RARB: variants seen among roughly 807,000 people sequenced by gnomAD.
RARB encodes retinoic acid receptor beta.
Under a neutral mutation model 51.9 loss-of-function variants are expected in RARB, and 17 were observed. The ratio of observed to expected loss-of-function variants is 0.33; its 90% confidence interval spans 0.22 to 0.49. The LOEUF is 0.49. Ranked by LOEUF, RARB falls within the 20% of genes least tolerant of loss-of-function variation. The pLI, the probability that RARB is intolerant of heterozygous loss-of-function variation, is 0.99. For missense variants in RARB, 369 were observed against 550.8 expected (o/e 0.67, Z 3.30); for synonymous variants, 215 against 195.4 (o/e 1.10, Z -0.84).
intron 5 of RARB, among the ~76,000 whole-genome samples, chr3:25,372,595 G>A (rs1327101882): frequency 2.0e-5 from 3 of 152,210 alleles, no homozygotes; most frequent in African/African-American, 7.2e-5. Flanking sequence ...GCTGAAGCAG[G>A]AGGATAGCTT....
chr3:24,832,375 T>A (rs2125326326), intron 1 of RARB, among the ~76,000 whole-genome samples: 1 of 152,078 alleles, frequency 6.6e-6, no homozygotes, highest in Non-Finnish European at 1.5e-5. Flanking sequence ...AATAAGGACT[T>A]TGTATATATT....
At chr3:25,000,145 C>T (rs781334376) in intron 2 of RARB, among the ~76,000 whole-genome samples, 2 of 152,040 alleles carry the variant, frequency 1.3e-5, no homozygotes, top group African/African-American at 2.4e-5. Context: ...ACCAGTCAAA[C>T]GACAGGTGTC....
intron 2 of RARB, among the ~76,000 whole-genome samples, chr3:25,484,906 A>G (rs1696386836): frequency 6.6e-6 from 1 of 152,170 alleles, no homozygotes; most frequent in Non-Finnish European, 1.5e-5. Context: ...GGTTTAAAAC[A>G]TGACTTTTCA....
intron 5 of RARB, among the ~76,000 whole-genome samples, chr3:25,264,086 A>G (rs955641367): frequency 7.5e-5 from 11 of 146,984 alleles, no homozygotes; most frequent in South Asian, 2.2e-4. Flanking sequence ...CTAATAATAT[A>G]TATTTCCCAC....
At chr3:24,958,531 C>T (rs1696072722) in intron 2 of RARB, among the ~76,000 whole-genome samples, 1 of 152,160 alleles carries the variant, frequency 6.6e-6, no homozygotes, top group East Asian at 1.9e-4. Flanking sequence ...TTTAGGTTTC[C>T]CTTTTTCCTT....
At chr3:25,286,274 G>C (rs1283760042) in intron 5 of RARB, among the ~76,000 whole-genome samples, 1 of 151,928 alleles carries the variant, frequency 6.6e-6, no homozygotes, top group African/African-American at 2.4e-5. Flanking sequence ...ATTTTGAGCA[G>C]AGACGGGGTT....
chr3:25,200,940 C>T (rs909693811), intron 5 of RARB, among the ~76,000 whole-genome samples: 7 of 152,040 alleles, frequency 4.6e-5, no homozygotes, highest in Admixed American at 2.6e-4. Flanking sequence ...TTTTTGGTTC[C>T]ATATGAAGTG....
At chr3:25,211,648 T>G (rs1701699900) in intron 5 of RARB, among the ~76,000 whole-genome samples, 1 of 152,226 alleles carries the variant, frequency 6.6e-6, no homozygotes. Flanking sequence ...TATCAGAGAT[T>G]GACAAACTTT....
chr3:25,514,348 A>G (rs1698051884), intron 3 of RARB, among the ~76,000 whole-genome samples: 1 of 152,202 alleles, frequency 6.6e-6, no homozygotes, highest in African/African-American at 2.4e-5. Flanking sequence ...GAGTTGAGCA[A>G]TTATCTGATG....
intron 5 of RARB, among the ~76,000 whole-genome samples, chr3:25,281,909 T>G (rs1400651123): frequency 1.3e-5 from 2 of 152,224 alleles, no homozygotes; most frequent in Non-Finnish European, 2.9e-5. Context: ...GCTGTGCTCA[T>G]GTTGTGTTAC....
intron 2 of RARB, among the ~76,000 whole-genome samples, chr3:24,939,325 C>T (rs1459443080): frequency 6.6e-6 from 1 of 152,152 alleles, no homozygotes; most frequent in Admixed American, 6.5e-5. Flanking sequence ...TTCTTTCTAG[C>T]ATATCTGTAG....
chr3:25,402,662 T>C (rs1181268214), intron 5 of RARB, among the ~76,000 whole-genome samples: 3 of 152,072 alleles, frequency 2.0e-5, no homozygotes, highest in Non-Finnish European at 2.9e-5. Context: ...ACAACTTGGG[T>C]GGAACTGAAG....
intron 5 of RARB, among the ~76,000 whole-genome samples, chr3:25,249,883 G>T (rs938545889): frequency 6.6e-6 from 1 of 152,192 alleles, no homozygotes; most frequent in African/African-American, 2.4e-5. Flanking sequence ...GGGGCCCCAG[G>T]GCGGCATATG....
chr3:25,033,646 C>A (rs4858691), intron 2 of RARB, among the ~76,000 whole-genome samples: 95,221 of 151,904 alleles, frequency 0.63, 30,522 homozygotes, highest in East Asian at 0.93. Context: ...TCAAGCCAGA[C>A]CCACATCCAA....
At chr3:25,415,654 C>T (rs748976962) in intron 5 of RARB, among the ~76,000 whole-genome samples, 8 of 152,214 alleles carry the variant, frequency 5.3e-5, no homozygotes, top group Non-Finnish European at 1.0e-4. Context: ...ATGATGTCTT[C>T]TAATAATTAG....
At chr3:25,406,939 CTAAGTTATCT>C (rs1157933403) in intron 5 of RARB, among the ~76,000 whole-genome samples, 2 of 152,182 alleles carry the variant, frequency 1.3e-5, no homozygotes, top group African/African-American at 4.8e-5. Flanking sequence ...TTTGATGCCT[CTAAGTTATCT>C]TTGCTTCCTT....
At chr3:24,988,246 T>C (rs1028171785) in intron 2 of RARB, among the ~76,000 whole-genome samples, 4 of 152,222 alleles carry the variant, frequency 2.6e-5, no homozygotes, top group African/African-American at 9.6e-5. Context: ...TTTGGGATAA[T>C]TGAACTTAAA....
At chr3:24,980,565 A>AAGCTTGTGT (rs1440013748) in intron 2 of RARB, among the ~76,000 whole-genome samples, 7 of 151,872 alleles carry the variant, frequency 4.6e-5, no homozygotes, top group African/African-American at 1.7e-4. Context: ...TCGGCTTGTG[A>AAGCTTGTGT]AGCTTGTGTA....
intron 1 of RARB, among the ~76,000 whole-genome samples, chr3:25,450,838 C>A (rs1475279683): frequency 2.6e-5 from 4 of 152,142 alleles, no homozygotes; most frequent in Non-Finnish European, 5.9e-5. Context: ...GTAATCTCAG[C>A]ACTTTGGGAG....
Sources: gnomAD v4.1 joint callset for allele counts (sites outside exome capture counted in the v4.1 genomes callset) on GRCh38, gnomAD v4.1.1 for gene constraint, MANE v1.5 for transcripts, NCBI Gene and HGNC (gene_info 2026-07-23, HGNC 2026-07-21) for gene names.